The following LDB3 variants were observed in gnomAD, a reference collection of about 807,000 sequenced individuals.
LDB3 encodes the protein LIM domain binding 3.
A neutral mutation model predicts 69.0 loss-of-function variants in LDB3; 49 were observed. The ratio of observed to expected loss-of-function variants is 0.71; its 90% CI spans 0.56 to 0.90. LDB3 has a LOEUF of 0.90. Ranked by LOEUF, LDB3 falls within the 40% of genes least tolerant of loss-of-function variation. LDB3 has a pLI of 0.00. For synonymous variants in LDB3, 387 were observed against 396.2 expected (o/e 0.98, Z 0.28); for missense variants, 928 against 974.1 (o/e 0.95, Z 0.63).
rs561847426 is a variant in LDB3, at chr10:86,716,834, C to T, written c.1676+63C>T. On this transcript the variant is annotated intron_variant, in intron 10 of 13. Coordinates refer to ENST00000361373, the MANE Select transcript of LDB3 (RefSeq NM_007078.3). ...AGGGCGTGTGTGTGGGGTGCTTGCC[C>T]ACAGTCTGAGCCCTGGTTGGGAGAG... is the stretch of plus-strand genomic sequence containing the variant. 2.0e-6 allele frequency: 3 copies of T among 1,521,932 alleles called. No individual in the cohort carries two copies. In the South Asian group the frequency reaches 3.6e-5, roughly 18 times the overall value. 94.3% of individuals were successfully genotyped at this position (1,521,932 alleles called of 1,614,324 possible). A position where few individuals can be genotyped will look rare whatever the true frequency, so the allele number is the denominator to read the frequency against.
Position 86,726,188 on chromosome 10 carries a change from A to C in LDB3, c.2030A>C (p.Glu677Ala), listed in dbSNP as rs1413448737. 1.9e-6 allele frequency: 3 copies of C among 1,613,938 alleles called. No individual in the cohort carries two copies. The South Asian group carries it at 3.3e-5, about 18-fold the overall frequency. Reference sequence around the variant, plus strand: ...TGCCATGGCTGCGATTTCCCCGTGGAGGCTGGCGACAAGTTTATCGAAGCC... The same window carrying C: ...TGCCATGGCTGCGATTTCCCCGTGGCGGCTGGCGACAAGTTTATCGAAGCC... ...TKCHGCDFPV[E>A]AGDKFIEALG... Residue 677 changes from glutamate (E) to alanine (A), a missense_variant, in exon 13 of 14, where the codon GAG becomes GCG. By Grantham distance (107) the Glu-to-Ala change is moderately radical. Coordinates refer to ENST00000361373, the MANE Select transcript of LDB3 (RefSeq NM_007078.3).
At chr10:86,709,692 T>G (rs1049472001) in intron 8 of LDB3, among the ~76,000 whole-genome samples, 1 of 152,104 alleles carries the variant, frequency 6.6e-6, no homozygotes, top group African/African-American at 2.4e-5. Flanking sequence ...TCTCCCTCTC[T>G]CCAAAGGCGG....
intron 12 of LDB3, among the ~76,000 whole-genome samples, chr10:86,719,344 A>G (rs920145844): frequency 1.3e-5 from 2 of 151,986 alleles, no homozygotes; most frequent in Non-Finnish European, 2.9e-5. Flanking sequence ...GTAACCTGTG[A>G]TAGCACCACT....
rs1260620512 is a variant in LDB3, at chr10:86,734,855, C to G, written c.*1879C>G. The stretch of plus-strand genomic sequence containing the variant: ...CTGGAGATTTGTCAGGAGCTGCAGA[C>G]AAGTACCTTGGAGCATTCTGTTATT... On this transcript the variant is annotated 3_prime_UTR_variant, in exon 14 of 14. Transcript: ENST00000361373. The G allele has an allele frequency of 3.9e-5, 6 of 152,182 alleles. No homozygotes were observed. Among genetic ancestry groups the G allele is most frequent in the Non-Finnish European group, 8.8e-5 (6 of 68,070 alleles). 9.4% of individuals were successfully genotyped at this position (152,182 alleles called of 1,614,324 possible).
At chr10:86,711,629 C>T (rs2132470483) in intron 9 of LDB3, among the ~76,000 whole-genome samples, 1 of 151,820 alleles carries the variant, frequency 6.6e-6, no homozygotes, top group South Asian at 2.1e-4. Flanking sequence ...CGCGCGGGAC[C>T]CGGAGCGCCG....
rs1031594208 is a variant in LDB3, at chr10:86,716,512, C to T, written c.1417C>T (p.Pro473Ser). ...PSPAPNYNPA[P>S]SVAYSGGPAE... is the part of the protein sequence containing the mutation. ...ACCTGCCCCCAACTATAACCCTGCACCCTCGGTGGCCTACAGCGGGGGCCC... is the reference window on the plus strand; with the variant it reads ...ACCTGCCCCCAACTATAACCCTGCATCCTCGGTGGCCTACAGCGGGGGCCC... The change falls in exon 10 of 14, where the codon CCC (proline) becomes TCC (serine). Residue 473 changes from proline (P) to serine (S), a missense_variant. By Grantham distance (74) the Pro-to-Ser change is moderately conservative. Coordinates refer to ENST00000361373, the MANE Select transcript of LDB3 (RefSeq NM_007078.3). 6.2e-7 allele frequency: 1 copy of T among 1,613,112 alleles called. No homozygotes were observed.
rs2132360110 is a variant in LDB3 at position 86,679,398 on chromosome 10, A to C, written c.125A>C (p.Gln42Pro). ...CCAGGCAGCAAGGCAGCCCAGTCCC[A>C]GCTCAGCCAGGGTGACCTCGTGGTG... Reference protein sequence around the residue: ...ITPGSKAAQSQLSQGDLVVAI... With the variant: ...ITPGSKAAQSPLSQGDLVVAI... The change falls in exon 3 of 14, where the codon CAG (glutamine) becomes CCG (proline). Residue 42 changes from glutamine to proline, a missense_variant. Coordinates refer to ENST00000361373, the MANE Select transcript of LDB3 (RefSeq NM_007078.3). The C allele has an allele frequency of 6.2e-7, 1 of 1,614,182 alleles. No individual in the cohort carries two copies. Among genetic ancestry groups the C allele is most frequent in the African/African-American group, 1.3e-5 (1 of 75,056 alleles).
intron 12 of LDB3, among the ~76,000 whole-genome samples, chr10:86,725,799 G>A (rs1229023412): frequency 1.3e-5 from 2 of 152,154 alleles, no homozygotes; most frequent in Non-Finnish European, 2.9e-5. Flanking sequence ...TTGGAAATGT[G>A]GATTGTTTTC....
chr10:86,692,661 C>A (rs1364670320), intron 7 of LDB3, 90 bp downstream of exon 7: 4 of 1,163,854 alleles, frequency 3.4e-6, no homozygotes, highest in East Asian at 4.7e-5. Context: ...ATGGAAGGGA[C>A]CTCTCAAGTT....
At chr10:86,693,620 A>T (rs1416011123) in intron 7 of LDB3, among the ~76,000 whole-genome samples, 3 of 152,250 alleles carry the variant, frequency 2.0e-5, no homozygotes, top group African/African-American at 7.2e-5. Context: ...GGGTCCTCCC[A>T]GGCCTGCTAA....
rs1269501777 is a variant in LDB3 at position 86,726,570 on chromosome 10, C to CT, written c.2094+321dup. On this transcript the variant is annotated intron_variant, in intron 13 of 13. Coordinates refer to ENST00000361373, the MANE Select transcript of LDB3 (RefSeq NM_007078.3). Reference sequence around the variant, plus strand: ...GGCAAAAGCAGCAGATGATGCTTGGCTTTGAGAGGGGCAGTTGGCTTCCCA... The same window carrying CT: ...GGCAAAAGCAGCAGATGATGCTTGGCTTTTGAGAGGGGCAGTTGGCTTCCCA... 99 of 412,444 alleles carry CT rather than the reference C, an allele frequency of 2.4e-4. 2 individuals carry two copies. The highest frequency in any genetic ancestry group is 2.0e-3 in the South Asian group (94 of 46,678). 25.5% of individuals were successfully genotyped at this position (412,444 alleles called of 1,614,324 possible). A position where few individuals can be genotyped will look rare whatever the true frequency, so the allele number is the denominator to read the frequency against.
intron 12 of LDB3, among the ~76,000 whole-genome samples, chr10:86,719,115 C>T (rs1846985147): frequency 6.6e-6 from 1 of 152,128 alleles, no homozygotes; most frequent in African/African-American, 2.4e-5. Context: ...ATATGTGGAT[C>T]TGGTTAGGTG....
intron 5 of LDB3, among the ~76,000 whole-genome samples, 189 bp downstream of exon 5, chr10:86,681,992 A>G (rs1043011985): frequency 3.3e-5 from 5 of 152,172 alleles, no homozygotes; most frequent in African/African-American, 9.7e-5. Context: ...TATACAACCA[A>G]CCACGCTGGG....
chr10:86,714,206 G>A (rs1846776693), intron 9 of LDB3, among the ~76,000 whole-genome samples: 1 of 152,206 alleles, frequency 6.6e-6, no homozygotes, highest in South Asian at 2.1e-4. Flanking sequence ...TAAGGAACTT[G>A]CCCAAGGACA....
intron 8 of LDB3, among the ~76,000 whole-genome samples, chr10:86,709,606 G>A (rs1379689217): frequency 6.6e-6 from 1 of 152,148 alleles, no homozygotes; most frequent in Non-Finnish European, 1.5e-5. Context: ...CTACCTATGC[G>A]CTCTTCCACA....
chr10:86,680,141 T>C lies in LDB3; in HGVS notation c.305T>C (p.Val102Ala). ...CCTCCAGTCCAGACCCCTCTGCCGG[T>C]GATCCCTCACCAGAAGGTAGGTGCT... ...TAPPVQTPLP[V>A]IPHQKDPALD... Residue 102 changes from valine to alanine, a missense_variant, in exon 4 of 14, where the codon GTG becomes GCG. Physicochemically the swap from Val to Ala is moderately conservative, Grantham distance 64. Transcript: ENST00000361373. 1 of 1,614,150 alleles carries C rather than the reference T, an allele frequency of 6.2e-7. No homozygotes were observed. The highest frequency in any genetic ancestry group is 8.5e-7 in the Non-Finnish European group (1 of 1,179,962).
chr10:86,723,772 T>C (rs760853233), intron 12 of LDB3, among the ~76,000 whole-genome samples: 1 of 152,206 alleles, frequency 6.6e-6, no homozygotes, highest in Non-Finnish European at 1.5e-5. Flanking sequence ...AGAAGATTGA[T>C]GGACTGGGAT....
intron 9 of LDB3, among the ~76,000 whole-genome samples, chr10:86,712,787 G>A (rs907539244): frequency 6.6e-6 from 1 of 152,138 alleles, no homozygotes; most frequent in Admixed American, 6.5e-5. Context: ...CAGGCCGGAC[G>A]CAGTGGCTCA....
Position 86,679,364 on chromosome 10 carries a change from C to A in LDB3, c.94-3C>A. The A allele has an allele frequency of 6.2e-7, 1 of 1,614,162 alleles. No homozygotes were observed. Among genetic ancestry groups the A allele is most frequent in the Non-Finnish European group, 8.5e-7 (1 of 1,180,052 alleles). ...TCACCCCCCACCTCCACTATCCAAT[C>A]AGATCACACCAGGCAGCAAGGCAGC... is the stretch of plus-strand genomic sequence containing the variant. On this transcript the variant is annotated splice_polypyrimidine_tract_variant and splice_region_variant and intron_variant, in intron 2 of 13. Coordinates refer to ENST00000361373, the MANE Select transcript of LDB3 (RefSeq NM_007078.3).
Sources: allele counts gnomAD v4.1 joint callset (sites outside exome capture counted in the v4.1 genomes callset), GRCh38; gene constraint gnomAD v4.1.1; transcripts MANE v1.5; gene names NCBI Gene and HGNC (gene_info 2026-07-23, HGNC 2026-07-21).